Variants in MTUS1 observed in about 807,000 individuals in gnomAD.
The protein encoded by MTUS1 is microtubule associated scaffold protein 1, also known as microtubule-associated tumor suppressor 1.
A neutral mutation model predicts 120.8 loss-of-function variants in MTUS1; 109 were observed. The observed-to-expected ratio is 0.90, with a 90% confidence interval of 0.77 to 1.06. The LOEUF is 1.06. Among genes scored for constraint, MTUS1 ranks in the 50% least tolerant of loss-of-function variants. The pLI, the probability that MTUS1 is intolerant of heterozygous loss-of-function variation, is 0.00. For synonymous variants in MTUS1, 737 were observed against 550.5 expected (o/e 1.34, Z -4.74); for missense variants, 2,210 against 1,486.3 (o/e 1.49, Z -8.01).
At chr8:17,742,462 C>T (rs2047411506) in intron 3 of MTUS1, among the ~76,000 whole-genome samples, 1 of 151,826 alleles carries the variant, frequency 6.6e-6, no homozygotes, top group East Asian at 1.9e-4. Context: ...CCAGGTGTGG[C>T]AATATCCCAA....
intron 1 of MTUS1, among the ~76,000 whole-genome samples, chr8:17,772,927 T>C (rs1380524494): frequency 6.6e-6 from 1 of 152,182 alleles, no homozygotes; most frequent in Non-Finnish European, 1.5e-5. Flanking sequence ...GACTAATCCA[T>C]ATTAGAGAAT....
chr8:17,722,506 C>G (rs1449011717), intron 4 of MTUS1: 1 of 985,060 alleles, frequency 1.0e-6, no homozygotes, highest in Non-Finnish European at 1.2e-6. Context: ...TGGTAACAAT[C>G]CTGTTTAATT....
chr8:17,735,338 A>T (rs1204614802), intron 3 of MTUS1, among the ~76,000 whole-genome samples: 1 of 152,016 alleles, frequency 6.6e-6, no homozygotes, highest in Non-Finnish European at 1.5e-5. Context: ...AGGACTGTTC[A>T]CACCAACAGA....
At chr8:17,685,191 C>T (rs1815506943) in intron 6 of MTUS1, among the ~76,000 whole-genome samples, 1 of 151,906 alleles carries the variant, frequency 6.6e-6, no homozygotes, top group African/African-American at 2.4e-5. Context: ...GGTCTTTTTT[C>T]CCAAGTAGTA....
chr8:17,707,377 C>A (rs1820380853), intron 6 of MTUS1, among the ~76,000 whole-genome samples: 1 of 152,158 alleles, frequency 6.6e-6, no homozygotes, highest in Non-Finnish European at 1.5e-5. Context: ...CTTTTCCTCA[C>A]TAGGCTCCTC....
intron 1 of MTUS1, among the ~76,000 whole-genome samples, chr8:17,793,156 G>C (rs116690120): frequency 0.02 from 2,976 of 152,308 alleles, 106 homozygotes; most frequent in African/African-American, 0.068. Flanking sequence ...AATAGGGAAT[G>C]TCATAAATCA....
rs569044252 is a variant in MTUS1, at chr8:17,694,868, A to T, written c.2624-10326T>A. ...TTTTCAAATCTTCAGCCAGAAATTCACAGATTTGGAGGCTAAGGGGAACCT... is the reference window on the plus strand; with the variant it reads ...TTTTCAAATCTTCAGCCAGAAATTCTCAGATTTGGAGGCTAAGGGGAACCT... On this transcript the variant is annotated intron_variant, in intron 6 of 14. Transcript: ENST00000693296. 8.4e-4 allele frequency among the ~76,000 whole-genome samples: 128 copies of T among 152,324 alleles called. 2 individuals carry two copies. The South Asian group carries it at 0.017, about 20-fold the overall frequency.
In MTUS1 at chr8:17,743,712, C is replaced by T. The variant is rs371016281; in HGVS notation, c.2179G>A (p.Ala727Thr). 3.1e-6 allele frequency: 5 copies of T among 1,614,170 alleles called. No individual in the cohort carries two copies. Among genetic ancestry groups the T allele is most frequent in the Non-Finnish European group, 4.2e-6 (5 of 1,180,036 alleles). The stretch of plus-strand genomic sequence containing the variant: ...CAGGAAACAGGGGGCCCCACTTTGG[C>T]TTTTGGAGCAGCTATTTGCCTCAAA... ...CGLRQIAAPKAKVGPPVSCLR... is the reference protein window; with the variant it reads ...CGLRQIAAPKTKVGPPVSCLR... Residue 727 changes from alanine (A) to threonine (T), a missense_variant, in exon 3 of 15, where the codon GCC becomes ACC. Coordinates refer to ENST00000693296, the MANE Select transcript of MTUS1 (RefSeq NM_001363059.2).
At chr8:17,693,129 G>A (rs1015696851) in intron 6 of MTUS1, 3 of 152,122 alleles carry the variant, frequency 2.0e-5, no homozygotes, top group African/African-American at 7.2e-5. Flanking sequence ...CTAAGTGGCA[G>A]GGAATATTTC....
At chr8:17,772,531 G>C (rs1041067447) in intron 1 of MTUS1, among the ~76,000 whole-genome samples, 2 of 152,150 alleles carry the variant, frequency 1.3e-5, no homozygotes, top group African/African-American at 4.8e-5. Context: ...CTCTACTGAT[G>C]TCATACCAAG....
chr8:17,694,563 G>C (rs11780261), intron 6 of MTUS1, among the ~76,000 whole-genome samples: 42,839 of 151,824 alleles, frequency 0.28, 7,214 homozygotes, highest in Non-Finnish European at 0.38. Context: ...AGCTACTCGG[G>C]AGGCTGAGGC....
At chr8:17,660,255 C>T (rs1408786404) in intron 8 of MTUS1, among the ~76,000 whole-genome samples, 4 of 152,112 alleles carry the variant, frequency 2.6e-5, no homozygotes, top group Admixed American at 1.3e-4. Context: ...CGTCTGTAGT[C>T]CCAGCTACTC....
In MTUS1 at chr8:17,787,829, G is replaced by A. The variant is rs1297251497; in HGVS notation, c.-155+13232C>T. 3.3e-5 allele frequency among the ~76,000 whole-genome samples: 5 copies of A among 152,198 alleles called. 1 individual carries two copies. Among genetic ancestry groups the A allele is most frequent in the East Asian group, 1.9e-4 (1 of 5,172 alleles). On this transcript the variant is annotated intron_variant, in intron 1 of 14. Transcript: ENST00000693296. ...CTCAATAGTTTATTCATCCAGTCAC[G>A]AAGACTTTCTGGCTGGGCACAGTGG...
At chr8:17,658,554 G>C (rs185833425) in intron 8 of MTUS1, among the ~76,000 whole-genome samples, 1 of 152,146 alleles carries the variant, frequency 6.6e-6, no homozygotes, top group Non-Finnish European at 1.5e-5. Context: ...TAACTGTCAG[G>C]GATACACATG....
At chr8:17,719,789 AG>A in intron 4 of MTUS1, among the ~76,000 whole-genome samples, 2 of 152,322 alleles carry the variant, frequency 1.3e-5, no homozygotes, top group East Asian at 3.9e-4. Flanking sequence ...TTGTGAGAGA[AG>A]AAAAAAAACA....
chr8:17,732,512 G>A (rs921135154), intron 3 of MTUS1, among the ~76,000 whole-genome samples: 2 of 152,180 alleles, frequency 1.3e-5, no homozygotes, highest in Admixed American at 1.3e-4. Context: ...ACTTACTGCC[G>A]TGGGGCTCTC....
At chr8:17,669,122 A>C (rs1010860740) in intron 8 of MTUS1, among the ~76,000 whole-genome samples, 1 of 152,218 alleles carries the variant, frequency 6.6e-6, no homozygotes, top group South Asian at 2.1e-4. Flanking sequence ...AGATGGCAAG[A>C]AGAGGTCTAT....
intron 3 of MTUS1, among the ~76,000 whole-genome samples, chr8:17,736,882 GCT>G (rs1334843781): frequency 6.6e-6 from 1 of 152,062 alleles, no homozygotes; most frequent in Non-Finnish European, 1.5e-5. Context: ...ACCATGTTTG[GCT>G]CTTTCTCTTT....
At chr8:17,717,309 T>C (rs1014684105) in intron 4 of MTUS1, among the ~76,000 whole-genome samples, 2 of 152,192 alleles carry the variant, frequency 1.3e-5, no homozygotes, top group African/African-American at 2.4e-5. Flanking sequence ...TTTTCCAAAG[T>C]TGACAGGAAG....
Sources: allele counts gnomAD v4.1 joint callset (sites outside exome capture counted in the v4.1 genomes callset), GRCh38; gene constraint gnomAD v4.1.1; transcripts MANE v1.5; gene names NCBI Gene and HGNC (gene_info 2026-07-23, HGNC 2026-07-21).